The following SF3A3 variants were observed in gnomAD, a reference collection of about 807,000 sequenced individuals.
The protein encoded by SF3A3 is SAP 61.
SF3A3 carries 9 observed loss-of-function variants against 85.8 expected under a neutral mutation model. That is an observed-to-expected ratio of 0.10 (90% CI 0.06 to 0.18). The LOEUF (loss-of-function observed/expected upper bound fraction) is 0.18, where lower values mean the gene tolerates loss of function less well. Among genes scored for constraint, SF3A3 ranks in the 10% least tolerant of loss-of-function variants. The pLI is 1.00. For missense variants in SF3A3, 306 were observed against 593.3 expected (o/e 0.52, Z 5.03); for synonymous variants, 195 against 204.4 (o/e 0.95, Z 0.39).
chr1:37,962,633 A>G (rs1177423129), intron 15 of SF3A3, among the ~76,000 whole-genome samples: 1 of 151,498 alleles, frequency 6.6e-6, no homozygotes, highest in Admixed American at 6.6e-5. Flanking sequence ...AAGAATATTA[A>G]TAAAGTGCGA....
intron 15 of SF3A3, chr1:37,960,460 C>T (rs1646249212): frequency 2.5e-6 from 1 of 398,874 alleles, no homozygotes. Context: ...TAATGTGGAA[C>T]AACCTATGAG....
chr1:37,969,499 T>A, intron 13 of SF3A3, 35 bp from the exon 14 acceptor site: 1 of 1,612,732 alleles, frequency 6.2e-7, no homozygotes, highest in East Asian at 2.2e-5. Flanking sequence ...AACCAAGAAG[T>A]GTTAGCCTAC....
intron 15 of SF3A3, among the ~76,000 whole-genome samples, chr1:37,965,983 C>A (rs1378984688): frequency 2.0e-5 from 3 of 151,670 alleles, no homozygotes; most frequent in African/African-American, 7.3e-5. Context: ...GGTAGGTCAC[C>A]TGAGATCAGG....
intron 16 of SF3A3, among the ~76,000 whole-genome samples, chr1:37,959,493 C>T (rs1646242374): frequency 6.6e-6 from 1 of 152,214 alleles, no homozygotes; most frequent in Non-Finnish European, 1.5e-5. Context: ...CAGCAGCTGC[C>T]TCAAATTCCT....
chr1:37,969,301 A>C, intron 14 of SF3A3, 53 bp downstream of exon 14: 1 of 1,343,424 alleles, frequency 7.4e-7, no homozygotes. Flanking sequence ...TTTTCTCTAA[A>C]AGTCTCATGT....
At chr1:37,969,767 A>G in intron 12 of SF3A3, 32 bp from the exon 13 acceptor site, 3 of 1,607,400 alleles carry the variant, frequency 1.9e-6, no homozygotes, top group Non-Finnish European at 2.6e-6. Flanking sequence ...AAAGTCAGAA[A>G]AAAGTAGTGC....
At chr1:37,988,228 G>C (rs1026214528) in intron 2 of SF3A3, among the ~76,000 whole-genome samples, 9 of 152,190 alleles carry the variant, frequency 5.9e-5, no homozygotes, top group Non-Finnish European at 1.3e-4. Context: ...CAAAACGCTT[G>C]ACTGAGGAGT....
chr1:37,987,824 C>T lies in SF3A3; in HGVS notation c.157G>A (p.Val53Ile), dbSNP rs1465596697. The change falls in exon 3 of 17, where the codon GTC (valine) becomes ATC (isoleucine). Residue 53 changes from valine (V) to isoleucine (I), a missense_variant. By Grantham distance (29) the Val-to-Ile change is conservative. Around this residue, in one of 4 missense-constraint regions of SF3A3, gnomAD observed 152 missense variants for 192.0 expected, o/e 0.79. Transcript: ENST00000373019. ...TACAAATCCCTCAGGTTCCCACTGA[C>T]CTCCATATACCTCTGAAAGGCAAAT... ...TRAMQDRYMEVSGNLRDLYDD... is the reference protein window; with the variant it reads ...TRAMQDRYMEISGNLRDLYDD... 6.2e-7 allele frequency: 1 copy of T among 1,612,824 alleles called. No homozygotes were observed. The highest frequency in any genetic ancestry group is 8.5e-7 in the Non-Finnish European group (1 of 1,179,068).
At chr1:37,987,362 A>G (rs1480939114) in intron 4 of SF3A3, among the ~76,000 whole-genome samples, 1 of 152,206 alleles carries the variant, frequency 6.6e-6, no homozygotes. Context: ...TACAGGCGTG[A>G]GCCACCGTGC....
chr1:37,981,973 A>G (rs1291631035), intron 6 of SF3A3, among the ~76,000 whole-genome samples, 162 bp from the exon 7 acceptor site: 1 of 151,980 alleles, frequency 6.6e-6, no homozygotes, highest in African/African-American at 2.4e-5. Flanking sequence ...ATTCAATCCT[A>G]CTACAACTGG....
intron 12 of SF3A3, among the ~76,000 whole-genome samples, chr1:37,974,598 G>A (rs933828042): frequency 4.6e-5 from 7 of 151,788 alleles, no homozygotes; most frequent in Non-Finnish European, 8.8e-5. Context: ...CACTGCGCCC[G>A]GCCCAAGATG....
chr1:37,976,155 C>CAA (rs11312772), intron 12 of SF3A3, among the ~76,000 whole-genome samples: 1 of 142,574 alleles, frequency 7.0e-6, no homozygotes, highest in African/African-American at 2.6e-5. Context: ...GACTCTGTCT[C>CAA]AAAAAAAAAA....
chr1:37,984,602 C>A, intron 5 of SF3A3, 105 bp downstream of exon 5: 2 of 840,660 alleles, frequency 2.4e-6, no homozygotes, highest in Non-Finnish European at 4.0e-6. Flanking sequence ...ACAAAACCAG[C>A]AAGAAATCCT....
chr1:37,960,153 C>T lies in SF3A3; in HGVS notation c.1395G>A (p.Gln465=). 6.2e-7 allele frequency: 1 copy of T among 1,614,078 alleles called. No homozygotes were observed. The highest frequency in any genetic ancestry group is 8.5e-7 in the Non-Finnish European group (1 of 1,180,008). Residue 465 remains glutamine, a synonymous_variant, in exon 16 of 17, where the codon CAG becomes CAA. Transcript: ENST00000373019. ...AVSLWAKLKL[Q]KASERWQPDT... is the part of the protein sequence containing the mutation. ...CAGGCTGCCATCGTTCTGAAGCCTT[C>T]TGCAATTTCAGTTTGGCCCACACTG...
Position 37,986,951 on chromosome 1 carries a change from AC to A in SF3A3, c.303+621del, listed in dbSNP as rs544231596. ...ACAATGCAGATTGGACAAAATCTTG[AC>A]CAACCCAACGGGGAGCCATGGAGCA... is the stretch of plus-strand genomic sequence containing the variant. On this transcript the variant is annotated intron_variant, in intron 4 of 16. Coordinates refer to ENST00000373019, the MANE Select transcript of SF3A3 (RefSeq NM_006802.4). Among the ~76,000 whole-genome samples, 622 of 152,260 alleles carry A rather than the reference AC, an allele frequency of 4.1e-3. 2 individuals are homozygous for A. The highest frequency in any genetic ancestry group is 0.014 in the African/African-American group (597 of 41,570).
At chr1:37,989,763 C>T in intron 1 of SF3A3, 107 bp downstream of exon 1, 1 of 1,223,620 alleles carries the variant, frequency 8.2e-7, no homozygotes, top group Non-Finnish European at 1.2e-6. Context: ...GGAGAGGGAG[C>T]CCGGAGGAAG....
chr1:37,984,714 C>T lies in SF3A3; in HGVS notation c.369G>A (p.Glu123=), dbSNP rs757086487. Residue 123 remains glutamate, a synonymous_variant, in exon 5 of 17, where the codon GAG becomes GAA. Coordinates refer to ENST00000373019, the MANE Select transcript of SF3A3 (RefSeq NM_006802.4). The part of the protein sequence containing the change: ...LLKARENPSE[E]AQNLVEFTDE... Reference sequence around the variant, plus strand: ...ATTTTCACCCCTACTTACTTTGTGCCTCTTCACTTGGATTCTCTCGAGCCT... The same window carrying T: ...ATTTTCACCCCTACTTACTTTGTGCTTCTTCACTTGGATTCTCTCGAGCCT... 6.2e-7 allele frequency: 1 copy of T among 1,612,464 alleles called. No homozygotes were observed. The highest frequency in any genetic ancestry group is 1.1e-5 in the South Asian group (1 of 91,062).
At chr1:37,965,895 C>T (rs1009408092) in intron 15 of SF3A3, among the ~76,000 whole-genome samples, 3 of 152,086 alleles carry the variant, frequency 2.0e-5, no homozygotes, top group African/African-American at 7.2e-5. Flanking sequence ...GACATAGATC[C>T]ACTGAAAAGA....
intron 7 of SF3A3, 117 bp from the exon 8 acceptor site, chr1:37,980,841 CTTTTTTTTT>C (rs760972269): frequency 1.7e-4 from 16 of 95,436 alleles, no homozygotes; most frequent in East Asian, 7.0e-4. Flanking sequence ...TTTTAATACT[CTTTTTTTTT>C]TTTTTTTTTT....
Sources: allele counts gnomAD v4.1 joint callset (sites outside exome capture counted in the v4.1 genomes callset), GRCh38; gene constraint gnomAD v4.1.1; regional missense constraint gnomAD v4.1.1; transcripts MANE v1.5; gene names NCBI Gene and HGNC (gene_info 2026-07-23, HGNC 2026-07-21).